INTS1: variants seen among roughly 807,000 people sequenced by gnomAD.
INTS1 encodes integrator complex subunit 1.
A neutral mutation model predicts 241.6 loss-of-function variants in INTS1; 137 were observed. The ratio of observed to expected loss-of-function variants is 0.57; its 90% CI spans 0.49 to 0.65. INTS1 has a LOEUF of 0.65. INTS1 is among the 30% of genes least tolerant of loss of function. INTS1 has a pLI of 0.00. For missense variants in INTS1, 3,073 were observed against 3,032.2 expected, an observed-to-expected ratio of 1.01 and a Z score of -0.32; for synonymous variants, 1,692 against 1,337.8, an observed-to-expected ratio of 1.26 and a Z score of -5.78.
rs201121663 is a variant in INTS1 at position 1,485,244 on chromosome 7, C to T, written c.3157-42G>A. The T allele has an allele frequency of 9.5e-5, 152 of 1,596,474 alleles. No individual in the cohort carries two copies. In the African/African-American group the frequency reaches 9.7e-4, roughly 10 times the overall value. On this transcript the variant is annotated intron_variant, in intron 23 of 47. Coordinates refer to ENST00000404767, the MANE Select transcript of INTS1 (RefSeq NM_001080453.3). ...TCTGAGCGGCAACAGGGCAGGGCTG[C>T]GGCCCTCTCATCTTTCCCTGCCGCG...
At chr7:1,475,837 G>C in intron 39 of INTS1, 111 bp downstream of exon 39, 14 of 1,353,412 alleles carry the variant, frequency 1.0e-5, no homozygotes, top group South Asian at 1.4e-5. Flanking sequence ...ACTGGGAAGG[G>C]GCAAGAGGGG....
At chr7:1,499,711 G>C in intron 5 of INTS1, 79 bp from the exon 6 acceptor site, 1 of 1,503,736 alleles carries the variant, frequency 6.7e-7, no homozygotes, top group Non-Finnish European at 8.9e-7. Flanking sequence ...GCTGCCCGGG[G>C]ACTGGGTGCC....
chr7:1,502,236 G>A (rs1251602979), intron 3 of INTS1, among the ~76,000 whole-genome samples: 2 of 152,242 alleles, frequency 1.3e-5, no homozygotes, highest in East Asian at 3.9e-4. Flanking sequence ...ACAAAACACT[G>A]CAGACCATGA....
At chr7:1,502,439 T>G (rs929370896) in intron 3 of INTS1, among the ~76,000 whole-genome samples, 3 of 152,202 alleles carry the variant, frequency 2.0e-5, no homozygotes, top group Admixed American at 6.5e-5. Flanking sequence ...TTCTGCTGCT[T>G]TTCAACTGAA....
rs113498161 is a variant in INTS1 at position 1,472,197 on chromosome 7, G to A, written c.6184+76C>T. 2.6e-3 allele frequency: 2,878 copies of A among 1,120,922 alleles called. 32 individuals are homozygous for A. Among genetic ancestry groups the A allele is most frequent in the African/African-American group, 0.024 (1,553 of 64,632 alleles). 69.4% of individuals were successfully genotyped at this position (1,120,922 alleles called of 1,614,324 possible). ...CTCACGCCAAAGTCAGTGCCCAAATGGCTACTGGCTGCTGCCCGCAGCCCC... is the reference window on the plus strand; with the variant it reads ...CTCACGCCAAAGTCAGTGCCCAAATAGCTACTGGCTGCTGCCCGCAGCCCC... On this transcript the variant is annotated intron_variant, in intron 44 of 47. Coordinates refer to ENST00000404767, the MANE Select transcript of INTS1 (RefSeq NM_001080453.3).
intron 35 of INTS1, 99 bp downstream of exon 35, chr7:1,477,451 C>T: frequency 7.2e-7 from 1 of 1,379,868 alleles, no homozygotes; most frequent in South Asian, 1.5e-5. Flanking sequence ...GGTGCTGGGG[C>T]CCCTGCAAGG....
chr7:1,478,082 A>AGCCGGGGCCGGAGAGGAGAGTGCG (rs1041831640), intron 33 of INTS1, 146 bp from the exon 34 acceptor site: 8 of 743,756 alleles, frequency 1.1e-5, no homozygotes, highest in African/African-American at 8.8e-5. Context: ...AGGAGAGTGC[A>AGCCGGGGCCGGAGAGGAGAGTGCG]GCCGGGGCCG....
rs753059095 is a variant in INTS1, at chr7:1,476,654, G to C, written c.5067C>G (p.Phe1689Leu). 1.2e-6 allele frequency: 2 copies of C among 1,612,582 alleles called. No homozygotes were observed. Among genetic ancestry groups the C allele is most frequent in the Non-Finnish European group, 1.7e-6 (2 of 1,179,870 alleles). Reference protein sequence around the residue: ...VLLGKSREQRFDPSASLDFLW... With the variant: ...VLLGKSREQRLDPSASLDFLW... Reference sequence around the variant, plus strand: ...GGAAGTCCAGAGAGGCAGAGGGGTCGAACCTGTGGGGAGGCAAAGGTTCCA... The same window carrying C: ...GGAAGTCCAGAGAGGCAGAGGGGTCCAACCTGTGGGGAGGCAAAGGTTCCA... Residue 1689 changes from phenylalanine to leucine, a missense_variant, in exon 37 of 48, where the codon TTC becomes TTG. Physicochemically the swap from Phe to Leu is conservative, Grantham distance 22. Transcript: ENST00000404767.
Position 1,481,315 on chromosome 7 carries a change from C to A in INTS1, c.3850+27G>T, listed in dbSNP as rs114874117. ...TGGGGCTCGGTCAGCGTGTGTGAAC[C>A]CACTCCGCAGGTCCCTGGCATCTTA... is the stretch of plus-strand genomic sequence containing the variant. On this transcript the variant is annotated intron_variant, in intron 28 of 47. Coordinates refer to ENST00000404767, the MANE Select transcript of INTS1 (RefSeq NM_001080453.3). This position sits in a 1 kb window ranked among gnomAD's most constrained non-coding sequence, Gnocchi z 6.8. 4.3e-6 allele frequency: 7 copies of A among 1,612,090 alleles called. No individual in the cohort carries two copies. Among genetic ancestry groups the A allele is most frequent in the Non-Finnish European group, 5.9e-6 (7 of 1,179,580 alleles).
At position 1,479,463 on chromosome 7, in the gene INTS1, G is replaced by C. The variant is rs1439914986; in HGVS notation, c.4296C>G (p.Ala1432=). The stretch of plus-strand genomic sequence containing the variant: ...GGCAGAGCTGGCGCAGCAGCGGGCA[G>C]GCCAGGAAGTGGCTACGGTGCATGG... The part of the protein sequence containing the change: ...VMSMHRSHFL[A]CPLLRQLCQY... Residue 1432 remains alanine, a synonymous_variant, in exon 31 of 48, where the codon GCC becomes GCG. Transcript: ENST00000404767. The C allele has an allele frequency of 1.3e-6, 2 of 1,579,404 alleles. No homozygotes were observed. Among genetic ancestry groups the C allele is most frequent in the Non-Finnish European group, 1.7e-6 (2 of 1,163,706 alleles).
chr7:1,502,845 C>T (rs1490357665), intron 3 of INTS1, 56 bp downstream of exon 3: 4 of 1,593,690 alleles, frequency 2.5e-6, no homozygotes, highest in Admixed American at 1.7e-5. Context: ...CCCTGAACAC[C>T]TGATGGACGG....
Position 1,481,180 on chromosome 7 carries a change from G to C in INTS1, c.3850+162C>G. 1 of 870,620 alleles carries C rather than the reference G, an allele frequency of 1.1e-6. No individual in the cohort carries two copies. Among genetic ancestry groups the C allele is most frequent in the East Asian group, 2.6e-5 (1 of 37,838 alleles). The allele number at this position is 870,620 out of a possible 1,614,324, so 53.9% of individuals were successfully genotyped here. On this transcript the variant is annotated intron_variant, in intron 28 of 47. Transcript: ENST00000404767. The surrounding 1 kb of genome is among the most constrained non-coding windows in gnomAD (Gnocchi z 6.8). ...CAGGCCTCGGCTCCCTCCTGACTGT[G>C]CCAGCCTCACCAACCCACAGGTCTA...
In INTS1 at chr7:1,484,602, T is replaced by C. The variant is rs571103259; in HGVS notation, c.3262-432A>G. Among the ~76,000 whole-genome samples the C allele has an allele frequency of 3.2e-3, 484 of 152,262 alleles. 2 individuals are homozygous for C. Among genetic ancestry groups the C allele is most frequent in the African/African-American group, 0.011 (464 of 41,540 alleles). On this transcript the variant is annotated intron_variant, in intron 24 of 47. Transcript: ENST00000404767. The stretch of plus-strand genomic sequence containing the variant: ...GGGAGTCAGCGCCACACATGTGAGC[T>C]AGAGATGCTGAGGACAGCGGGCAGG...
At position 1,489,662 on chromosome 7, in the gene INTS1, G is replaced by T; in HGVS notation, c.2186C>A (p.Ala729Asp). ...GGCCTTCCAGTAGAGGGTAGAGATG[G>T]CGAGGTTCGGAGGCTGGTACCTGGA... ...LPPGYQPPNL[A>D]ISTLYWKAWP... The change falls in exon 17 of 48, where the codon GCC becomes GAC. Residue 729 changes from alanine to aspartate, a missense_variant. Ala to Asp is a moderately radical substitution (Grantham distance 126, BLOSUM62 -2). Transcript: ENST00000404767. 2 of 1,568,658 alleles carry T rather than the reference G, an allele frequency of 1.3e-6. No homozygotes were observed. Among genetic ancestry groups the T allele is most frequent in the Non-Finnish European group, 1.7e-6 (2 of 1,155,654 alleles).
intron 40 of INTS1, 108 bp downstream of exon 40, chr7:1,474,597 C>G (rs77518332): frequency 7.1e-7 from 1 of 1,407,594 alleles, no homozygotes; most frequent in Non-Finnish European, 9.5e-7. Flanking sequence ...TGGGAACATG[C>G]TTTTTTTTGT....
chr7:1,495,775 G>A (rs1012193698), intron 12 of INTS1, among the ~76,000 whole-genome samples: 1 of 152,112 alleles, frequency 6.6e-6, no homozygotes, highest in Non-Finnish European at 1.5e-5. Flanking sequence ...GACTCGCTCC[G>A]GTCAATGGCT....
Position 1,494,576 on chromosome 7 carries a change from C to T in INTS1, c.1910+240G>A, listed in dbSNP as rs981062802. 4.5e-5 allele frequency: 26 copies of T among 578,186 alleles called. No individual in the cohort carries two copies. In the African/African-American group the frequency reaches 4.5e-4, roughly 10 times the overall value. 35.8% of individuals were successfully genotyped at this position (578,186 alleles called of 1,614,324 possible). On this transcript the variant is annotated intron_variant, in intron 14 of 47. Transcript: ENST00000404767. ...GAAGGCGGGGGTCCGGGGGAGGCTG[C>T]GGCTGGGGCTTGGAGTCACGTGGAC...
In INTS1 at chr7:1,500,290, C is replaced by A; in HGVS notation, c.426G>T (p.Leu142=). 1 of 1,596,352 alleles carries A rather than the reference C, an allele frequency of 6.3e-7. No homozygotes were observed. The highest frequency in any genetic ancestry group is 8.5e-7 in the Non-Finnish European group (1 of 1,170,790). Residue 142 remains leucine (L), a synonymous_variant, in exon 4 of 48, where the codon CTG becomes CTT. Coordinates refer to ENST00000404767, the MANE Select transcript of INTS1 (RefSeq NM_001080453.3). ...CCTTCAGCTGCTTCACGGCCCCGCACAGCACGCCCTCGATCCTGTCATCGT... is the reference window on the plus strand; with the variant it reads ...CCTTCAGCTGCTTCACGGCCCCGCAAAGCACGCCCTCGATCCTGTCATCGT... ...EGNDDRIEGV[L]CGAVKQLKVT...
In INTS1 at chr7:1,489,479, C is replaced by A. The variant is rs1207055577; in HGVS notation, c.2258-75G>T. Reference sequence around the variant, plus strand: ...CGTGTGACCCCCGCTTCTCCCAGCTCCTCCTCTCATCCCCAGCTGGGCTCA... The same window carrying A: ...CGTGTGACCCCCGCTTCTCCCAGCTACTCCTCTCATCCCCAGCTGGGCTCA... On this transcript the variant is annotated intron_variant, in intron 17 of 47. Coordinates refer to ENST00000404767, the MANE Select transcript of INTS1 (RefSeq NM_001080453.3). 7 of 1,550,066 alleles carry A rather than the reference C, an allele frequency of 4.5e-6. No individual in the cohort carries two copies. In the African/African-American group the frequency reaches 6.8e-5, roughly 15 times the overall value.
Sources: allele counts gnomAD v4.1 joint callset (sites outside exome capture counted in the v4.1 genomes callset), GRCh38; gene constraint gnomAD v4.1.1; non-coding constraint Gnocchi (gnomAD v3.1); transcripts MANE v1.5; gene names NCBI Gene and HGNC (gene_info 2026-07-23, HGNC 2026-07-21).